TMEM168: variants seen among roughly 807,000 people sequenced by gnomAD.
The protein encoded by TMEM168 is transmembrane protein 168.
Under a neutral mutation model 53.2 loss-of-function variants are expected in TMEM168, and 40 were observed. The ratio of observed to expected loss-of-function variants is 0.75; its 90% CI spans 0.58 to 0.98. The LOEUF (loss-of-function observed/expected upper bound fraction) is 0.98, where lower values mean the gene tolerates loss of function less well. TMEM168 is among the 50% of genes least tolerant of loss of function. TMEM168 has a pLI of 0.00. For missense variants in TMEM168, 771 were observed against 828.8 expected, an observed-to-expected ratio of 0.93 and a Z score of 0.86; for synonymous variants, 282 against 293.0, an observed-to-expected ratio of 0.96 and a Z score of 0.38.
At chr7:112,779,235 T>TA (rs1323649494) in intron 2 of TMEM168, among the ~76,000 whole-genome samples, 3 of 152,142 alleles carry the variant, frequency 2.0e-5, no homozygotes, top group Non-Finnish European at 4.4e-5. Flanking sequence ...AAAAAATCAT[T>TA]AAGTACTTCT....
chr7:112,783,919 T>C lies in TMEM168; in HGVS notation c.907A>G (p.Ile303Val). 10 of 1,596,674 alleles carry C rather than the reference T, an allele frequency of 6.3e-6. No individual in the cohort carries two copies. The highest frequency in any genetic ancestry group is 1.2e-5 in the South Asian group (1 of 86,414). ...FVIPGFSIFG[I>V]FWMICHIIFL... ...ATAATATGACAAATCATCCAGAAAATTCCAAAAATGGAAAAGCCAGGTATT... is the reference window on the plus strand; with the variant it reads ...ATAATATGACAAATCATCCAGAAAACTCCAAAAATGGAAAAGCCAGGTATT... Residue 303 changes from isoleucine to valine, a missense_variant, in exon 2 of 5, where the codon ATT becomes GTT. Ile to Val is a conservative substitution (Grantham distance 29). Coordinates refer to ENST00000312814, the MANE Select transcript of TMEM168 (RefSeq NM_022484.6).
At chr7:112,779,773 T>G (rs1016678501) in intron 2 of TMEM168, among the ~76,000 whole-genome samples, 2 of 152,204 alleles carry the variant, frequency 1.3e-5, no homozygotes, top group African/African-American at 4.8e-5. Context: ...TATCCTAAAA[T>G]TTTTCAGATA....
Position 112,763,465 on chromosome 7 carries a change from G to A in TMEM168, c.*3732C>T, listed in dbSNP as rs1333274846. On this transcript the variant is annotated 3_prime_UTR_variant, in exon 5 of 5. Transcript: ENST00000312814. ...CACTCTTCTCGGTAACTGTGTACCA[G>A]AAATACCAACATGTGTAAGCCTCTG... is the stretch of plus-strand genomic sequence containing the variant. 2.0e-5 allele frequency: 3 copies of A among 152,048 alleles called. No individual in the cohort carries two copies. Among genetic ancestry groups the A allele is most frequent in the Admixed American group, 2.0e-4 (3 of 15,266 alleles). 9.4% of individuals were successfully genotyped at this position (152,048 alleles called of 1,614,324 possible).
intron 2 of TMEM168, 43 bp from the exon 3 acceptor site, chr7:112,775,361 T>C: frequency 6.5e-7 from 1 of 1,539,002 alleles, no homozygotes; most frequent in Non-Finnish European, 8.8e-7. Context: ...CATGTACATA[T>C]GTGTATATAT....
intron 1 of TMEM168, among the ~76,000 whole-genome samples, chr7:112,789,003 T>A (rs1263221254): frequency 6.6e-6 from 1 of 152,234 alleles, no homozygotes; most frequent in African/African-American, 2.4e-5. Flanking sequence ...CAGTGCCTTA[T>A]AAGGCACTCC....
At chr7:112,775,917 G>A (rs946200543) in intron 2 of TMEM168, among the ~76,000 whole-genome samples, 5 of 151,530 alleles carry the variant, frequency 3.3e-5, no homozygotes, top group South Asian at 4.2e-4. Context: ...TTGAGGACAC[G>A]TAAGCATTGT....
chr7:112,767,192 C>A lies in TMEM168; in HGVS notation c.*5G>T, dbSNP rs1562858806. 1 of 1,603,388 alleles carries A rather than the reference C, an allele frequency of 6.2e-7. No homozygotes were observed. Among genetic ancestry groups the A allele is most frequent in the East Asian group, 2.2e-5 (1 of 44,758 alleles). On this transcript the variant is annotated 3_prime_UTR_variant, in exon 5 of 5. Transcript: ENST00000312814. The stretch of plus-strand genomic sequence containing the variant: ...GCTTATTAATATCCCGCTTTGGGGT[C>A]CAAATTAAGATTTGACAAGTTTGAA...
rs573005644 is a variant in TMEM168, at chr7:112,780,016, G to A, written c.1128+3682C>T. 3.3e-5 allele frequency among the ~76,000 whole-genome samples: 5 copies of A among 152,226 alleles called. No individual in the cohort carries two copies. In the East Asian group the frequency reaches 9.7e-4, roughly 29 times the overall value. The stretch of plus-strand genomic sequence containing the variant: ...GAAATCCAGCTTTAAGAAACCACAG[G>A]CGACTTTCAAAACTTTGCTTGTTTC... On this transcript the variant is annotated intron_variant, in intron 2 of 4. Coordinates refer to ENST00000312814, the MANE Select transcript of TMEM168 (RefSeq NM_022484.6).
intron 3 of TMEM168, 83 bp from the exon 4 acceptor site, chr7:112,773,138 TTATAA>T (rs1280770198): frequency 1.3e-5 from 19 of 1,409,506 alleles, no homozygotes; most frequent in Non-Finnish European, 1.3e-5. Context: ...TAAGAATCAG[TTATAA>T]TATAGTTGCT....
chr7:112,770,382 TATA>T (rs1321792968), intron 4 of TMEM168, among the ~76,000 whole-genome samples: 1 of 152,164 alleles, frequency 6.6e-6, no homozygotes, highest in Non-Finnish European at 1.5e-5. Context: ...TTAAACTTCT[TATA>T]ATAAGCCTCA....
chr7:112,787,705 C>T (rs538279394), intron 1 of TMEM168, among the ~76,000 whole-genome samples: 5 of 118,358 alleles, frequency 4.2e-5, no homozygotes, highest in African/African-American at 6.2e-5. Context: ...TGAGCCACTG[C>T]GACTGGCATT....
intron 2 of TMEM168, among the ~76,000 whole-genome samples, chr7:112,777,019 G>T (rs1250074162): frequency 1.3e-5 from 2 of 151,892 alleles, no homozygotes; most frequent in African/African-American, 4.8e-5. Flanking sequence ...TAAATATTTT[G>T]CCCACCTTTC....
In TMEM168 at chr7:112,767,256, T is replaced by A; in HGVS notation, c.2035A>T (p.Ser679Cys). The A allele has an allele frequency of 6.2e-7, 1 of 1,614,118 alleles. No individual in the cohort carries two copies. The highest frequency in any genetic ancestry group is 8.5e-7 in the Non-Finnish European group (1 of 1,179,994). The change falls in exon 5 of 5, where the codon AGT (serine) becomes TGT (cysteine). Residue 679 changes from serine to cysteine, a missense_variant. Physicochemically the swap from Ser to Cys is moderately radical, Grantham distance 112. Coordinates refer to ENST00000312814, the MANE Select transcript of TMEM168 (RefSeq NM_022484.6). ...CFRCLKRLKMSWFLPTVLDTG... is the reference protein window; with the variant it reads ...CFRCLKRLKMCWFLPTVLDTG... ...TCCAGCACAGTAGGAAGAAACCAAC[T>A]CATTTTTAATCTTTTCAAGCACCTA...
At chr7:112,775,463 A>G in intron 2 of TMEM168, 145 bp from the exon 3 acceptor site, 1 of 662,176 alleles carries the variant, frequency 1.5e-6, no homozygotes, top group Non-Finnish European at 2.4e-6. Flanking sequence ...ATTTTCAGTT[A>G]AAGCAGACAC....
At position 112,764,469 on chromosome 7, in the gene TMEM168, A is replaced by G. The variant is rs1562856603; in HGVS notation, c.*2728T>C. 2 of 150,478 alleles carry G rather than the reference A, an allele frequency of 1.3e-5. No individual in the cohort carries two copies. The highest frequency in any genetic ancestry group is 4.9e-5 in the African/African-American group (2 of 40,636). 9.3% of individuals were successfully genotyped at this position (150,478 alleles called of 1,614,324 possible). A position where few individuals can be genotyped will look rare whatever the true frequency, so the allele number is the denominator to read the frequency against. On this transcript the variant is annotated 3_prime_UTR_variant, in exon 5 of 5. Coordinates refer to ENST00000312814, the MANE Select transcript of TMEM168 (RefSeq NM_022484.6). ...CCAATCACTTTATTCTTCTTGTAAT[A>G]TTTCTTTTCTACACCCTTATTATTT... is the stretch of plus-strand genomic sequence containing the variant.
intron 2 of TMEM168, chr7:112,778,328 A>C (rs1793143402): frequency 6.6e-6 from 1 of 152,254 alleles, no homozygotes; most frequent in East Asian, 1.9e-4. Context: ...CTATGTATAC[A>C]AATGCCTGCA....
intron 1 of TMEM168, among the ~76,000 whole-genome samples, chr7:112,785,553 T>C (rs1387721859): frequency 6.6e-6 from 1 of 152,250 alleles, no homozygotes; most frequent in African/African-American, 2.4e-5. Context: ...CCTGTACTTT[T>C]ATCTCTATTA....
rs535302115 is a variant in TMEM168 at position 112,784,192 on chromosome 7, A to C, written c.634T>G (p.Leu212Val). ...IPNLVIFAVL[L>V]FFSSLETPKN... ...GGAGTTTCCAATGAGGAAAAAAATA[A>C]CAAAACTGCAAAAATAACTAAGTTT... Residue 212 changes from leucine to valine, a missense_variant, in exon 2 of 5, where the codon TTA becomes GTA. Physicochemically the swap from Leu to Val is conservative, Grantham distance 32 (BLOSUM62 1). Coordinates refer to ENST00000312814, the MANE Select transcript of TMEM168 (RefSeq NM_022484.6). 62 of 1,613,682 alleles carry C rather than the reference A, an allele frequency of 3.8e-5. No individual in the cohort carries two copies. The East Asian group carries it at 8.5e-4, about 22-fold the overall frequency.
intron 1 of TMEM168, among the ~76,000 whole-genome samples, chr7:112,786,530 C>T (rs1247213006): frequency 6.6e-6 from 1 of 151,708 alleles, no homozygotes; most frequent in Non-Finnish European, 1.5e-5. Flanking sequence ...AAATGTCTTC[C>T]TTTGGTATAT....
Sources: allele counts gnomAD v4.1 joint callset (sites outside exome capture counted in the v4.1 genomes callset), GRCh38; gene constraint gnomAD v4.1.1; transcripts MANE v1.5; gene names NCBI Gene and HGNC (gene_info 2026-07-23, HGNC 2026-07-21).